The following RP1L1 variants were observed in gnomAD, a reference collection of about 807,000 sequenced individuals.
RP1L1 encodes RP1 like 1, also known as retinitis pigmentosa 1-like 1 protein.
A neutral mutation model predicts 15.7 loss-of-function variants in RP1L1; 27 were observed. That is an observed-to-expected ratio of 1.72 (90% CI 1.27 to 2.38). The LOEUF is 2.38. RP1L1 is among the 30% of genes most tolerant of loss of function. The pLI, the probability that RP1L1 is intolerant of heterozygous loss-of-function variation, is 0.00. For synonymous variants in RP1L1, 1,813 were observed against 1,276.7 expected, an observed-to-expected ratio of 1.42 and a Z score of -8.96; for missense variants, 4,798 against 3,075.9, an observed-to-expected ratio of 1.56 and a Z score of -13.24.
Position 10,615,967 on chromosome 8 carries a change from C to T in RP1L1, c.751+479G>A, listed in dbSNP as rs190117560. ...TCACCCAGGCTGGAGTGAAGTGGTGCGATCACGGCTCACTGCAGCCTCAAC... is the reference window on the plus strand; with the variant it reads ...TCACCCAGGCTGGAGTGAAGTGGTGTGATCACGGCTCACTGCAGCCTCAAC... On this transcript the variant is annotated intron_variant, in intron 3 of 3. Transcript: ENST00000382483. Among the ~76,000 whole-genome samples, 485 of 152,230 alleles carry T rather than the reference C, an allele frequency of 3.2e-3. 6 individuals carry two copies. Among genetic ancestry groups the T allele is most frequent in the African/African-American group, 0.011 (453 of 41,542 alleles).
chr8:10,613,746 C>A (rs923980326), intron 3 of RP1L1, among the ~76,000 whole-genome samples: 5 of 151,690 alleles, frequency 3.3e-5, no homozygotes, highest in Non-Finnish European at 7.4e-5. Flanking sequence ...GTGAGCTATG[C>A]ACCACTGCGC....
chr8:10,611,486 C>T lies in RP1L1; in HGVS notation c.2612G>A (p.Gly871Glu), dbSNP rs774588382. Residue 871 changes from glycine to glutamate, a missense_variant, in exon 4 of 4, where the codon GGG (glycine) becomes GAG (glutamate). By Grantham distance (98) the Gly-to-Glu change is moderately conservative. Transcript: ENST00000382483. ...GCTTTGGTGGCTGCTGCCGGTGCTC[C>T]CACAGCTGGAAGAGCGCCTCTGGGG... ...PCPQRRSSSC[G>E]STGSSHQSTA... is the part of the protein sequence containing the mutation. 14 of 1,572,400 alleles carry T rather than the reference C, an allele frequency of 8.9e-6. No homozygotes were observed. Among genetic ancestry groups the T allele is most frequent in the Middle Eastern group, 1.7e-4 (1 of 5,984 alleles).
intron 1 of RP1L1, among the ~76,000 whole-genome samples, chr8:10,648,839 C>T (rs947922871): frequency 3.0e-4 from 46 of 152,378 alleles, no homozygotes; most frequent in African/African-American, 1.0e-3. Flanking sequence ...CCGTTCCCAG[C>T]ATTTATCTTC....
intron 1 of RP1L1, among the ~76,000 whole-genome samples, chr8:10,652,248 G>A (rs1188740838): frequency 1.3e-5 from 2 of 152,160 alleles, no homozygotes; most frequent in African/African-American, 4.8e-5. Context: ...TGAAGGAAAT[G>A]ATTTTAGGAT....
In RP1L1 at chr8:10,623,102, T is replaced by A; in HGVS notation, c.100A>T (p.Lys34Ter). Residue 34 changes from lysine (K) to a stop codon, truncating the protein, a stop_gained, in exon 2 of 4, where the codon AAG becomes TAG. Coordinates refer to ENST00000382483, the MANE Select transcript of RP1L1 (RefSeq NM_178857.6). LOFTEE classifies it high-confidence loss of function. ...CCTCGCTTGAGGAAGGTGATCTTCT[T>A]GGCTGGCGTGACCTTGGTGACCGAG... ...TPSVTKVTPA[K>*]KITFLKRGDP... 4 of 1,613,630 alleles carry A rather than the reference T, an allele frequency of 2.5e-6. No homozygotes were observed. Among genetic ancestry groups the A allele is most frequent in the Non-Finnish European group, 3.4e-6 (4 of 1,179,832 alleles).
chr8:10,646,875 T>G (rs73541405), intron 1 of RP1L1, among the ~76,000 whole-genome samples: 4,720 of 152,322 alleles, frequency 0.031, 237 homozygotes, highest in African/African-American at 0.11. Context: ...AAAGGCCTAT[T>G]GTGTGTCCCC....
At position 10,623,001 on chromosome 8, in the gene RP1L1, C is replaced by G. The variant is rs1798093850; in HGVS notation, c.201G>C (p.Glu67Asp). The G allele has an allele frequency of 6.2e-7, 1 of 1,614,022 alleles. No homozygotes were observed. Among genetic ancestry groups the G allele is most frequent in the African/African-American group, 1.3e-5 (1 of 74,920 alleles). Residue 67 changes from glutamate to aspartate, a missense_variant, in exon 2 of 4, where the codon GAG becomes GAC. By Grantham distance (45) the Glu-to-Asp change is conservative (BLOSUM62 2). Coordinates refer to ENST00000382483, the MANE Select transcript of RP1L1 (RefSeq NM_178857.6). The part of the protein sequence containing the change: ...AFKTFSALMD[E>D]LSQRVPLSFG... ...AGGAGAGAGGCACGCGCTGGGAGAG[C>G]TCGTCCATGAGGGCGCTGAAGGTCT...
chr8:10,614,679 AG>A (rs377557087), intron 3 of RP1L1, among the ~76,000 whole-genome samples: 6 of 149,504 alleles, frequency 4.0e-5, no homozygotes, highest in Admixed American at 6.7e-5. Context: ...AAAAAAAAAA[AG>A]AAAAGAAAAA....
chr8:10,641,645 A>G (rs1279963836), intron 1 of RP1L1, among the ~76,000 whole-genome samples: 1 of 152,210 alleles, frequency 6.6e-6, no homozygotes, highest in Non-Finnish European at 1.5e-5. Flanking sequence ...CATGTGATTG[A>G]GCACTTGCAA....
At chr8:10,653,945 G>C (rs1168768704) in intron 1 of RP1L1, among the ~76,000 whole-genome samples, 2 of 152,224 alleles carry the variant, frequency 1.3e-5, no homozygotes, top group East Asian at 3.9e-4. Context: ...CCCTGAGGCA[G>C]TGTCTTTGCT....
rs1030656028 is a variant in RP1L1, at chr8:10,611,416, C to T, written c.2682G>A (p.Gln894=). The stretch of plus-strand genomic sequence containing the variant: ...GGCCTGGGGACGGCGTGGGGCCTGG[C>T]TGGCGTGTCCCCTCCTGCGGGCTCC... ...PGGSPQEGTR[Q]PGPTPSPGPN... The change falls in exon 4 of 4, where the codon CAG becomes CAA. Residue 894 remains glutamine (Q), a synonymous_variant. Coordinates refer to ENST00000382483, the MANE Select transcript of RP1L1 (RefSeq NM_178857.6). 6.3e-7 allele frequency: 1 copy of T among 1,589,626 alleles called. No individual in the cohort carries two copies. Among genetic ancestry groups the T allele is most frequent in the Non-Finnish European group, 8.5e-7 (1 of 1,169,972 alleles).
Position 10,609,988 on chromosome 8 carries a change from C to T in RP1L1, c.4110G>A (p.Glu1370=). Residue 1370 remains glutamate, a synonymous_variant, in exon 4 of 4, where the codon GAG becomes GAA. Transcript: ENST00000382483. ...EETGGEGLQE[E]GVQLEEVKEG... Reference sequence around the variant, plus strand: ...CTTTAACTTCCTCTAACTGCACCCCCTCTTCTTGCAGCCCTTCTCCTCCTG... The same window carrying T: ...CTTTAACTTCCTCTAACTGCACCCCTTCTTCTTGCAGCCCTTCTCCTCCTG... 7 of 1,609,688 alleles carry T rather than the reference C, an allele frequency of 4.3e-6. No homozygotes were observed. The highest frequency in any genetic ancestry group is 5.9e-6 in the Non-Finnish European group (7 of 1,177,366).
chr8:10,651,415 A>G (rs976917999), intron 1 of RP1L1, among the ~76,000 whole-genome samples: 7 of 152,210 alleles, frequency 4.6e-5, no homozygotes, highest in Admixed American at 2.6e-4. Flanking sequence ...AATTGATGCT[A>G]AACTAAAAAA....
At chr8:10,616,000 G>A (rs1797958232) in intron 3 of RP1L1, among the ~76,000 whole-genome samples, 1 of 152,080 alleles carries the variant, frequency 6.6e-6, no homozygotes, top group Admixed American at 6.6e-5. Context: ...AACCTCCTAG[G>A]CTCAAGGGAT....
chr8:10,631,303 A>T (rs1233954422), intron 1 of RP1L1, among the ~76,000 whole-genome samples: 1 of 107,094 alleles, frequency 9.3e-6, no homozygotes, highest in East Asian at 7.4e-4. Context: ...ACAAACACGC[A>T]TGCACACACA....
chr8:10,651,156 C>G (rs1798554289), intron 1 of RP1L1, among the ~76,000 whole-genome samples: 1 of 152,232 alleles, frequency 6.6e-6, no homozygotes, highest in African/African-American at 2.4e-5. Flanking sequence ...CAAGGCTGTT[C>G]TTCCCATACC....
rs1247416772 is a variant in RP1L1 at position 10,631,353 on chromosome 8, ATG to A, written c.-19-8135_-19-8134del. ...CACACATGCACACACACGCACACAC[ATG>A]CACACAAACACACATGCACACAAAC... On this transcript the variant is annotated intron_variant, in intron 1 of 3. Coordinates refer to ENST00000382483, the MANE Select transcript of RP1L1 (RefSeq NM_178857.6). Among the ~76,000 whole-genome samples, 19 of 10,908 alleles carry A rather than the reference ATG, an allele frequency of 1.7e-3. 1 individual carries two copies. The highest frequency in any genetic ancestry group is 0.015 in the East Asian group (1 of 68). 7.2% of individuals were successfully genotyped at this position (10,908 alleles called of 152,430 possible). A position where few individuals can be genotyped will look rare whatever the true frequency, so the allele number is the denominator to read the frequency against.
At position 10,617,215 on chromosome 8, in the gene RP1L1, T is replaced by C. The variant is rs557587497; in HGVS notation, c.610-628A>G. Among the ~76,000 whole-genome samples, 207 of 152,170 alleles carry C rather than the reference T, an allele frequency of 1.4e-3. 1 individual carries two copies. The highest frequency in any genetic ancestry group is 4.8e-3 in the African/African-American group (198 of 41,514). ...CTGGGCTCAGGGCAGGCCATGTCAC[T>C]GCAGAATTCCTTTCCAGGAAACTGG... On this transcript the variant is annotated intron_variant, in intron 2 of 3. Transcript: ENST00000382483.
rs769570227 is a variant in RP1L1, at chr8:10,609,388, G to T, written c.4710C>A (p.Asp1570Glu). ...LQQDVAQRLQ[D>E]STKRELQKLQ... Reference sequence around the variant, plus strand: ...GCTTCTGGAGCTCTCTCTTGGTGCTGTCCTGGAGGCGTTGGGCCACGTCCT... The same window carrying T: ...GCTTCTGGAGCTCTCTCTTGGTGCTTTCCTGGAGGCGTTGGGCCACGTCCT... The change falls in exon 4 of 4, where the codon GAC (aspartate) becomes GAA (glutamate). Residue 1570 changes from aspartate to glutamate, a missense_variant. Transcript: ENST00000382483. The T allele has an allele frequency of 6.2e-7, 1 of 1,612,464 alleles. No homozygotes were observed. The highest frequency in any genetic ancestry group is 8.5e-7 in the Non-Finnish European group (1 of 1,179,918).
Sources: gnomAD v4.1 joint callset for allele counts (sites outside exome capture counted in the v4.1 genomes callset) on GRCh38, gnomAD v4.1.1 for gene constraint, MANE v1.5 for transcripts, NCBI Gene and HGNC (gene_info 2026-07-23, HGNC 2026-07-21) for gene names.